The following LNX1 variants were observed in gnomAD, a reference collection of about 807,000 sequenced individuals.
LNX1 encodes the protein ligand of numb-protein X 1, also known as E3 ubiquitin-protein ligase LNX.
Under a neutral mutation model 68.4 loss-of-function variants are expected in LNX1, and 54 were observed. The observed-to-expected ratio is 0.79, with a 90% CI of 0.63 to 0.99. The LOEUF (loss-of-function observed/expected upper bound fraction) is 0.99, where lower values mean the gene tolerates loss of function less well. Among genes scored for constraint, LNX1 ranks in the 50% least tolerant of loss-of-function variants. The pLI, the probability that LNX1 is intolerant of heterozygous loss-of-function variation, is 0.00. For synonymous variants in LNX1, 336 were observed against 350.0 expected (o/e 0.96, Z 0.45); for missense variants, 906 against 926.4 (o/e 0.98, Z 0.29).
At chr4:53,624,252 G>C (rs1328755950) in intron 1 of LNX1, among the ~76,000 whole-genome samples, 2 of 152,082 alleles carry the variant, frequency 1.3e-5, no homozygotes, top group African/African-American at 2.4e-5. Context: ...ATCTCACCTT[G>C]AATTGCAGCT....
Position 53,574,087 on chromosome 4 carries a change from A to G in LNX1, c.-85T>C. 1 of 1,501,780 alleles carries G rather than the reference A, an allele frequency of 6.7e-7. No individual in the cohort carries two copies. The highest frequency in any genetic ancestry group is 8.9e-7 in the Non-Finnish European group (1 of 1,128,352). 93.0% of individuals were successfully genotyped at this position (1,501,780 alleles called of 1,614,324 possible). On this transcript the variant is annotated splice_region_variant and 5_prime_UTR_variant, in exon 2 of 11. Coordinates refer to ENST00000263925, the MANE Select transcript of LNX1 (RefSeq NM_001126328.3). Reference sequence around the variant, plus strand: ...GTCAAGATCTAGGAGACATCCACACACCTAAAAAAGAACAAGAAGGCTCAC... The same window carrying G: ...GTCAAGATCTAGGAGACATCCACACGCCTAAAAAAGAACAAGAAGGCTCAC...
intron 1 of LNX1, among the ~76,000 whole-genome samples, chr4:53,577,169 C>G (rs1731544496): frequency 6.6e-6 from 1 of 152,148 alleles, no homozygotes; most frequent in East Asian, 1.9e-4. Flanking sequence ...CTTTAAGTGA[C>G]ATCAGAAACA....
chr4:53,628,670 G>A (rs1398135042), intron 1 of LNX1, among the ~76,000 whole-genome samples: 1 of 152,184 alleles, frequency 6.6e-6, no homozygotes, highest in African/African-American at 2.4e-5. Context: ...AAAGACACAT[G>A]CACTTGTATG....
At chr4:53,609,276 TA>T (rs59011653) in intron 2 of LNX1, among the ~76,000 whole-genome samples, 63,492 of 147,438 alleles carry the variant, frequency 0.43, 13,290 homozygotes, top group Admixed American at 0.46. Context: ...AAACTAAAAG[TA>T]AAAAAAAAAG....
chr4:53,507,062 C>T (rs1325881470), intron 4 of LNX1, among the ~76,000 whole-genome samples: 1 of 151,926 alleles, frequency 6.6e-6, no homozygotes, highest in East Asian at 1.9e-4. Flanking sequence ...AATTATTCTT[C>T]CTCATATGCA....
chr4:53,508,324 G>C (rs1188006385), intron 2 of LNX1, 97 bp from the exon 3 acceptor site: 1 of 1,460,162 alleles, frequency 6.8e-7, no homozygotes, highest in Non-Finnish European at 9.2e-7. Flanking sequence ...TGTATAATAG[G>C]CTTGTTGAAC....
intron 2 of LNX1, among the ~76,000 whole-genome samples, chr4:53,533,123 T>C (rs1197965590): frequency 2.0e-5 from 3 of 152,198 alleles, no homozygotes; most frequent in Non-Finnish European, 4.4e-5. Flanking sequence ...ATTAATTGCC[T>C]TCTGGACAGC....
intron 1 of LNX1, among the ~76,000 whole-genome samples, chr4:53,635,144 T>C (rs1007439977): frequency 6.6e-6 from 1 of 152,190 alleles, no homozygotes; most frequent in African/African-American, 2.4e-5. Context: ...TCTGCCTTTT[T>C]GAAAACAAGC....
At chr4:53,590,893 G>A (rs577170881) in intron 1 of LNX1, among the ~76,000 whole-genome samples, 1 of 152,150 alleles carries the variant, frequency 6.6e-6, no homozygotes, top group Non-Finnish European at 1.5e-5. Context: ...AACAGAATTT[G>A]CCCTGAGGAA....
chr4:53,647,356 T>C (rs754319408), intron 1 of LNX1, among the ~76,000 whole-genome samples: 13 of 152,224 alleles, frequency 8.5e-5, no homozygotes, highest in Non-Finnish European at 1.6e-4. Context: ...ATATTAATCT[T>C]ATTTGTTTTA....
At chr4:53,487,858 T>A (rs2109439780) in intron 6 of LNX1, among the ~76,000 whole-genome samples, 1 of 152,372 alleles carries the variant, frequency 6.6e-6, no homozygotes, top group South Asian at 2.1e-4. Flanking sequence ...CTTTTCCAAG[T>A]ATCTCAAAAT....
At chr4:53,475,234 G>A (rs1427824028) in intron 9 of LNX1, among the ~76,000 whole-genome samples, 4 of 152,314 alleles carry the variant, frequency 2.6e-5, no homozygotes, top group Non-Finnish European at 1.5e-5. Context: ...TGACAGAATA[G>A]CTTTCAAACA....
chr4:53,641,314 C>T (rs1217686383), intron 1 of LNX1, among the ~76,000 whole-genome samples: 2 of 152,234 alleles, frequency 1.3e-5, no homozygotes, highest in Non-Finnish European at 2.9e-5. Flanking sequence ...GGGACTTACC[C>T]AGATAAGAGG....
rs77208111 is a variant in LNX1 at position 53,624,734 on chromosome 4, C to T, written c.-215+27434G>A. Among the ~76,000 whole-genome samples, 1,065 of 152,254 alleles carry T rather than the reference C, an allele frequency of 7.0e-3. 13 individuals are homozygous for T. The highest frequency in any genetic ancestry group is 0.024 in the African/African-American group (1,002 of 41,544). On this transcript the variant is annotated intron_variant, in intron 1 of 2. Transcript: ENST00000507168. Reference sequence around the variant, plus strand: ...GGGGTCTTTCACCTTGACCTTTCTGCAGCATTTGGTCCTGCAGGCCATCTA... The same window carrying T: ...GGGGTCTTTCACCTTGACCTTTCTGTAGCATTTGGTCCTGCAGGCCATCTA...
intron 2 of LNX1, 140 bp from the exon 3 acceptor site, chr4:53,508,367 T>A: frequency 9.8e-7 from 1 of 1,020,174 alleles, no homozygotes; most frequent in Non-Finnish European, 1.4e-6. Flanking sequence ...CTATATCCTC[T>A]CTTCCCTTTT....
intron 2 of LNX1, among the ~76,000 whole-genome samples, chr4:53,605,719 C>T (rs1733201292): frequency 1.3e-5 from 2 of 152,086 alleles, no homozygotes. Context: ...GCATAATGTC[C>T]TCTAGGTTCC....
At chr4:53,550,345 C>T (rs1488479208) in intron 2 of LNX1, among the ~76,000 whole-genome samples, 2 of 152,224 alleles carry the variant, frequency 1.3e-5, no homozygotes, top group Non-Finnish European at 2.9e-5. Flanking sequence ...CTCCAACATA[C>T]CCCATTTCCT....
At chr4:53,589,670 G>A (rs541166839) in intron 1 of LNX1, among the ~76,000 whole-genome samples, 10 of 152,176 alleles carry the variant, frequency 6.6e-5, no homozygotes, top group Admixed American at 1.3e-4. Context: ...ACTTGCTCAA[G>A]GATATAAATG....
At chr4:53,617,763 C>A (rs186401957), upstream of LNX1, among the ~76,000 whole-genome samples, 64 of 152,224 alleles carry the variant, frequency 4.2e-4, no homozygotes, top group African/African-American at 1.5e-3. Flanking sequence ...ATTGACTAAA[C>A]CTGTAACAAC....
Sources: allele counts gnomAD v4.1 joint callset (sites outside exome capture counted in the v4.1 genomes callset), GRCh38; gene constraint gnomAD v4.1.1; transcripts MANE v1.5; gene names NCBI Gene and HGNC (gene_info 2026-07-23, HGNC 2026-07-21).